The following SNX2 variants were observed in gnomAD, a reference collection of about 807,000 sequenced individuals.
SNX2 encodes the protein sorting nexin 2, also known as sorting nexin-2.
SNX2 carries 25 observed loss-of-function variants against 69.9 expected under a neutral mutation model. The observed-to-expected ratio is 0.36, with a 90% CI of 0.26 to 0.50. The LOEUF (loss-of-function observed/expected upper bound fraction) is 0.50, where lower values mean the gene tolerates loss of function less well. Among genes scored for constraint, SNX2 ranks in the 20% least tolerant of loss-of-function variants. The probability of loss-of-function intolerance (pLI) is 0.97; values close to 1 mark genes in which losing one functional copy is unlikely to be tolerated. For missense variants in SNX2, 551 were observed against 613.3 expected (o/e 0.90, Z 1.07); for synonymous variants, 229 against 200.4 (o/e 1.14, Z -1.20).
chr5:122,775,420 G>C lies in SNX2; in HGVS notation c.108+209G>C, dbSNP rs1157757394. On this transcript the variant is annotated intron_variant, in intron 1 of 14. Transcript: ENST00000379516. Reference sequence around the variant, plus strand: ...CTCAGGAGAGCAGCCTGCGGCCCGCGGGTGCCGACCTAATCCTCAGAGGGG... The same window carrying C: ...CTCAGGAGAGCAGCCTGCGGCCCGCCGGTGCCGACCTAATCCTCAGAGGGG... The C allele has an allele frequency of 2.4e-6, 3 of 1,269,004 alleles. No homozygotes were observed. In the African/African-American group the frequency reaches 4.6e-5, roughly 20 times the overall value. The allele number at this position is 1,269,004 out of a possible 1,614,324, so 78.6% of individuals were successfully genotyped here. A position where few individuals can be genotyped will look rare whatever the true frequency, so the allele number is the denominator to read the frequency against.
chr5:122,804,743 G>T (rs1753595476), intron 6 of SNX2, among the ~76,000 whole-genome samples: 1 of 151,992 alleles, frequency 6.6e-6, no homozygotes, highest in South Asian at 2.1e-4. Context: ...ACCTCCATAG[G>T]CCTACCATTA....
At chr5:122,826,264 T>TC in intron 12 of SNX2, 71 bp downstream of exon 12, 6 of 1,319,342 alleles carry the variant, frequency 4.5e-6, no homozygotes, top group Non-Finnish European at 6.0e-6. Flanking sequence ...TAATTTTTCA[T>TC]AATTTTTTGT....
intron 2 of SNX2, among the ~76,000 whole-genome samples, chr5:122,796,739 C>A (rs1488448479): frequency 1.3e-5 from 2 of 152,014 alleles, no homozygotes; most frequent in Non-Finnish European, 2.9e-5. Context: ...TTAAAGACTC[C>A]TTCACCCTAT....
chr5:122,785,462 C>G (rs1288309169), intron 1 of SNX2, among the ~76,000 whole-genome samples: 1 of 150,604 alleles, frequency 6.6e-6, no homozygotes, highest in Non-Finnish European at 1.5e-5. Context: ...TTTCTAGTTT[C>G]TTATTAAAGT....
chr5:122,825,097 A>G (rs1754124773), intron 11 of SNX2, among the ~76,000 whole-genome samples: 2 of 152,134 alleles, frequency 1.3e-5, no homozygotes, highest in Non-Finnish European at 2.9e-5. Flanking sequence ...TCAGATCCCT[A>G]TAGGAACATG....
intron 11 of SNX2, among the ~76,000 whole-genome samples, chr5:122,822,610 C>T (rs1754049319): frequency 2.0e-5 from 3 of 152,182 alleles, no homozygotes; most frequent in African/African-American, 7.2e-5. Context: ...GAAAAAGCTA[C>T]ATTTTACCCA....
In SNX2 at chr5:122,799,706, G is replaced by T; in HGVS notation, c.241G>T (p.Val81Phe). The change falls in exon 3 of 15, where the codon GTT becomes TTT. Residue 81 changes from valine (V) to phenylalanine (F), a missense_variant. This residue lies in a region of SNX2 where 191 missense variants were observed against 162.9 expected (regional missense o/e 1.17). Transcript: ENST00000379516. The part of the protein sequence containing the change: ...EDLFAEATEE[V>F]SLDSPEREPI... ...TCTATGTCTAGAAGCCACAGAAGAA[G>T]TTTCTTTGGACAGCCCTGAAAGGGA... 1 of 1,611,866 alleles carries T rather than the reference G, an allele frequency of 6.2e-7. No homozygotes were observed. The highest frequency in any genetic ancestry group is 8.5e-7 in the Non-Finnish European group (1 of 1,178,898).
chr5:122,822,984 G>A (rs1450505702), intron 11 of SNX2, among the ~76,000 whole-genome samples: 2 of 152,172 alleles, frequency 1.3e-5, no homozygotes, highest in Non-Finnish European at 2.9e-5. Context: ...CATATTTTCA[G>A]ATTAACTGAA....
chr5:122,775,657 G>A, intron 1 of SNX2: 1 of 987,322 alleles, frequency 1.0e-6, no homozygotes, highest in Non-Finnish European at 1.2e-6. Flanking sequence ...GCGCTGAGGG[G>A]CCGAGGGTCT....
In SNX2 at chr5:122,799,813, G is replaced by GAGT. The variant is rs1289034510; in HGVS notation, c.350_352dup (p.Ser117dup). 6.2e-7 allele frequency: 1 copy of GAGT among 1,613,218 alleles called. No homozygotes were observed. Among genetic ancestry groups the GAGT allele is most frequent in the Non-Finnish European group, 8.5e-7 (1 of 1,179,474 alleles). ...TCATTGCTCCTAGAATTGAATCAAA[G>GAGT]AGTATGTCTGCTCCCGTGATCTTTG... On this transcript the variant is annotated inframe_insertion, in exon 3 of 15. Transcript: ENST00000379516.
At chr5:122,822,972 A>G (rs892969828) in intron 11 of SNX2, among the ~76,000 whole-genome samples, 1 of 152,250 alleles carries the variant, frequency 6.6e-6, no homozygotes, top group African/African-American at 2.4e-5. Flanking sequence ...GAAGCTGGGC[A>G]GCATATTTTC....
chr5:122,793,427 C>T (rs1048715609), intron 1 of SNX2, among the ~76,000 whole-genome samples: 2 of 152,052 alleles, frequency 1.3e-5, no homozygotes, highest in African/African-American at 4.8e-5. Flanking sequence ...ATAATTGATC[C>T]ATACTGGTAG....
intron 1 of SNX2, among the ~76,000 whole-genome samples, chr5:122,789,407 C>A (rs1753167100): frequency 6.6e-6 from 1 of 151,294 alleles, no homozygotes; most frequent in Admixed American, 6.6e-5. Flanking sequence ...CTTCAGTTTA[C>A]AAGACCGCCC....
chr5:122,817,578 C>T (rs1035876943), intron 10 of SNX2, among the ~76,000 whole-genome samples: 2 of 151,310 alleles, frequency 1.3e-5, no homozygotes, highest in African/African-American at 2.4e-5. Context: ...AGAAAAATAA[C>T]GAGCTTAGAA....
At chr5:122,817,587 A>G (rs894092428) in intron 10 of SNX2, among the ~76,000 whole-genome samples, 10 of 152,076 alleles carry the variant, frequency 6.6e-5, no homozygotes, top group Non-Finnish European at 5.9e-5. Context: ...ACGAGCTTAG[A>G]AAATTATTTG....
chr5:122,785,662 A>T (rs1252124583), intron 1 of SNX2, among the ~76,000 whole-genome samples: 1 of 152,190 alleles, frequency 6.6e-6, no homozygotes, highest in African/African-American at 2.4e-5. Context: ...TTAGAAGTAC[A>T]TTATTTAATT....
chr5:122,788,420 G>A (rs923453068), intron 1 of SNX2, among the ~76,000 whole-genome samples: 1 of 152,002 alleles, frequency 6.6e-6, no homozygotes, highest in South Asian at 2.1e-4. Flanking sequence ...AGTTTATATC[G>A]TTCACCAAAT....
chr5:122,799,024 G>A (rs1753451009), intron 2 of SNX2, among the ~76,000 whole-genome samples: 1 of 152,002 alleles, frequency 6.6e-6, no homozygotes, highest in Non-Finnish European at 1.5e-5. Context: ...ATTTTTGTGT[G>A]TTTTTCTGTT....
At chr5:122,795,761 T>C (rs1364090580) in intron 2 of SNX2, among the ~76,000 whole-genome samples, 1 of 152,214 alleles carries the variant, frequency 6.6e-6, no homozygotes, top group African/African-American at 2.4e-5. Flanking sequence ...AAAATTATTC[T>C]ATATTTATGT....
Sources: allele counts gnomAD v4.1 joint callset (sites outside exome capture counted in the v4.1 genomes callset), GRCh38; gene constraint gnomAD v4.1.1; regional missense constraint gnomAD v4.1.1; transcripts MANE v1.5; gene names NCBI Gene and HGNC (gene_info 2026-07-23, HGNC 2026-07-21).